Variants in OSBPL8 observed in about 807,000 individuals in gnomAD.
OSBPL8 encodes oxysterol-binding protein-related protein 8.
In OSBPL8, 59 loss-of-function variants were observed where a neutral mutation model predicts 125.5. That is an observed-to-expected ratio of 0.47 (90% confidence interval 0.38 to 0.58). The LOEUF (loss-of-function observed/expected upper bound fraction) is 0.58, where lower values mean the gene tolerates loss of function less well. Among genes scored for constraint, OSBPL8 ranks in the 20% least tolerant of loss-of-function variants. The pLI is 0.00. For synonymous variants in OSBPL8, 330 were observed against 338.9 expected (o/e 0.97, Z 0.29); for missense variants, 758 against 1,047.8 (o/e 0.72, Z 3.82).
chr12:76,413,462 A>G (rs58650743), intron 4 of OSBPL8, among the ~76,000 whole-genome samples: 53 of 152,336 alleles, frequency 3.5e-4, no homozygotes, highest in Middle Eastern at 3.4e-3. Flanking sequence ...AGTGCTATGA[A>G]TATTCTTGGA....
chr12:76,367,775 A>T (rs1004683824), intron 21 of OSBPL8, among the ~76,000 whole-genome samples: 27 of 152,150 alleles, frequency 1.8e-4, no homozygotes, highest in African/African-American at 4.6e-4. Flanking sequence ...CCTCTACAAC[A>T]ATCTAGTTTG....
intron 1 of OSBPL8, among the ~76,000 whole-genome samples, chr12:76,542,802 A>G (rs1224799938): frequency 2.0e-5 from 3 of 152,218 alleles, no homozygotes; most frequent in Non-Finnish European, 4.4e-5. Flanking sequence ...AATCCTTAAC[A>G]TGGTCTCAGG....
chr12:76,453,176 C>T (rs1016694450), intron 3 of OSBPL8, among the ~76,000 whole-genome samples: 25 of 152,146 alleles, frequency 1.6e-4, no homozygotes, highest in Middle Eastern at 3.4e-3. Context: ...CCTTATTTTC[C>T]CATAAATTCT....
chr12:76,485,040 C>T (rs1216292644), intron 2 of OSBPL8, among the ~76,000 whole-genome samples: 1 of 151,964 alleles, frequency 6.6e-6, no homozygotes, highest in Non-Finnish European at 1.5e-5. Context: ...CCTGCCTCAG[C>T]CTCCTCGGTA....
chr12:76,531,663 A>T (rs1366932549), intron 1 of OSBPL8, among the ~76,000 whole-genome samples: 1 of 152,190 alleles, frequency 6.6e-6, no homozygotes, highest in African/African-American at 2.4e-5. Context: ...AGTAAAACTT[A>T]AAATCAAATC....
chr12:76,508,336 C>T (rs995455070), intron 1 of OSBPL8, among the ~76,000 whole-genome samples: 2 of 152,180 alleles, frequency 1.3e-5, no homozygotes, highest in African/African-American at 4.8e-5. Context: ...ATCAGCCATA[C>T]CATATAAGGA....
intron 10 of OSBPL8, among the ~76,000 whole-genome samples, chr12:76,391,296 G>A (rs2136296539): frequency 6.6e-6 from 1 of 152,258 alleles, no homozygotes; most frequent in East Asian, 1.9e-4. Context: ...AATCAAGTAA[G>A]TTTTGCTTAA....
intron 2 of OSBPL8, among the ~76,000 whole-genome samples, chr12:76,480,023 C>T (rs1032577821): frequency 6.6e-6 from 1 of 151,494 alleles, no homozygotes; most frequent in African/African-American, 2.4e-5. Context: ...AAAAATTAGC[C>T]GGGCATGGTG....
At chr12:76,478,781 G>A (rs1394116851) in intron 2 of OSBPL8, among the ~76,000 whole-genome samples, 1 of 152,166 alleles carries the variant, frequency 6.6e-6, no homozygotes, top group Non-Finnish European at 1.5e-5. Context: ...TTAAAGTAAT[G>A]GAGATGTAAA....
chr12:76,525,086 A>T (rs954557613), intron 1 of OSBPL8, among the ~76,000 whole-genome samples: 1 of 152,222 alleles, frequency 6.6e-6, no homozygotes, highest in African/African-American at 2.4e-5. Context: ...AAAGGGGGGT[A>T]AAAACAGGAG....
Position 76,373,450 on chromosome 12 carries a change from T to C in OSBPL8, c.1828-17A>G. On this transcript the variant is annotated splice_polypyrimidine_tract_variant and intron_variant, in intron 17 of 23. Coordinates refer to ENST00000261183, the MANE Select transcript of OSBPL8 (RefSeq NM_020841.5). ...TAGGAATGGCTTTTAAACGAGAAAATGTTAAACATTTTACTTTTCACTTAT... is the reference window on the plus strand; with the variant it reads ...TAGGAATGGCTTTTAAACGAGAAAACGTTAAACATTTTACTTTTCACTTAT... 1 of 1,528,432 alleles carries C rather than the reference T, an allele frequency of 6.5e-7. No homozygotes were observed. The highest frequency in any genetic ancestry group is 9.0e-7 in the Non-Finnish European group (1 of 1,116,064). The allele number at this position is 1,528,432 out of a possible 1,614,324, so 94.7% of individuals were successfully genotyped here. A position where few individuals can be genotyped will look rare whatever the true frequency, so the allele number is the denominator to read the frequency against.
In OSBPL8 at chr12:76,487,754, G is replaced by A. The variant is rs1237807135; in HGVS notation, c.-67-136C>T. On this transcript the variant is annotated intron_variant, in intron 1 of 23. Transcript: ENST00000261183. Reference sequence around the variant, plus strand: ...AAATTCAATAATTAAAAAAAAAATTGACATGGGCTTGAAGAATGGTAAAGG... The same window carrying A: ...AAATTCAATAATTAAAAAAAAAATTAACATGGGCTTGAAGAATGGTAAAGG... 51 of 407,122 alleles carry A rather than the reference G, an allele frequency of 1.3e-4. No individual in the cohort carries two copies. The East Asian group carries it at 1.9e-3, about 15-fold the overall frequency. The allele number at this position is 407,122 out of a possible 1,614,324, so 25.2% of individuals were successfully genotyped here. A position where few individuals can be genotyped will look rare whatever the true frequency, so the allele number is the denominator to read the frequency against.
intron 2 of OSBPL8, among the ~76,000 whole-genome samples, chr12:76,468,261 C>T (rs888452547): frequency 2.0e-5 from 3 of 152,024 alleles, no homozygotes; most frequent in African/African-American, 7.3e-5. Context: ...AAAAATAAAC[C>T]CCAAACACTG....
intron 2 of OSBPL8, among the ~76,000 whole-genome samples, chr12:76,470,937 T>A (rs1253500465): frequency 6.6e-6 from 1 of 152,160 alleles, no homozygotes; most frequent in Admixed American, 6.5e-5. Context: ...TATTTTTCAA[T>A]GTATACCAAA....
intron 1 of OSBPL8, chr12:76,536,881 G>C (rs1950515805): frequency 6.7e-6 from 1 of 149,260 alleles, no homozygotes. Context: ...AAATGTTACA[G>C]TAGGACCCAG....
intron 4 of OSBPL8, among the ~76,000 whole-genome samples, chr12:76,443,330 T>C (rs898798285): frequency 2.6e-5 from 4 of 152,114 alleles, no homozygotes; most frequent in African/African-American, 7.2e-5. Context: ...AGGTAAGTTA[T>C]AGTATTTCAT....
At chr12:76,555,653 T>C (rs1951072271) in intron 1 of OSBPL8, among the ~76,000 whole-genome samples, 1 of 152,224 alleles carries the variant, frequency 6.6e-6, no homozygotes, top group African/African-American at 2.4e-5. Flanking sequence ...CCAACGATCA[T>C]GGATTATTAT....
At chr12:76,427,630 A>G (rs1870305050) in intron 4 of OSBPL8, among the ~76,000 whole-genome samples, 1 of 152,092 alleles carries the variant, frequency 6.6e-6, no homozygotes, top group Non-Finnish European at 1.5e-5. Flanking sequence ...TATTTTTAAA[A>G]CATTATATAT....
chr12:76,398,696 C>A (rs1029240042), intron 7 of OSBPL8, among the ~76,000 whole-genome samples: 1 of 152,018 alleles, frequency 6.6e-6, no homozygotes, highest in Non-Finnish European at 1.5e-5. Context: ...TTCAATGCAC[C>A]TACATGAAGT....
Sources: allele counts gnomAD v4.1 joint callset (sites outside exome capture counted in the v4.1 genomes callset), GRCh38; gene constraint gnomAD v4.1.1; transcripts MANE v1.5; gene names NCBI Gene and HGNC (gene_info 2026-07-23, HGNC 2026-07-21).